PRR12: variants seen among roughly 807,000 people sequenced by gnomAD.
PRR12 encodes proline-rich protein 12.
A neutral mutation model predicts 138.0 loss-of-function variants in PRR12; 12 were observed. That is an observed-to-expected ratio of 0.09 (90% confidence interval 0.06 to 0.14). The LOEUF is 0.14. Among genes scored for constraint, PRR12 ranks in the 10% least tolerant of loss-of-function variants. The pLI, the probability that PRR12 is intolerant of heterozygous loss-of-function variation, is 1.00. For synonymous variants in PRR12, 1,567 were observed against 1,291.7 expected (o/e 1.21, Z -4.57); for missense variants, 2,692 against 2,861.3 (o/e 0.94, Z 1.35).
chr19:49,615,177 C>T (rs964485115), intron 8 of PRR12, among the ~76,000 whole-genome samples, 168 bp downstream of exon 8: 1 of 147,596 alleles, frequency 6.8e-6, no homozygotes. Flanking sequence ...GACAGAGACC[C>T]AGAGAAGGGG....
intron 6 of PRR12, among the ~76,000 whole-genome samples, chr19:49,609,855 T>G (rs2080856838): frequency 6.6e-6 from 1 of 152,302 alleles, no homozygotes; most frequent in Admixed American, 6.5e-5. Context: ...CTGTGCCGTT[T>G]AGAGCCCCTG....
At position 49,599,542 on chromosome 19, in the gene PRR12, G is replaced by A; in HGVS notation, c.3949G>A (p.Val1317Met). The A allele has an allele frequency of 6.3e-7, 1 of 1,595,868 alleles. No homozygotes were observed. Among genetic ancestry groups the A allele is most frequent in the African/African-American group, 1.3e-5 (1 of 74,666 alleles). The change falls in exon 5 of 14, where the codon GTG (valine) becomes ATG (methionine). Residue 1317 changes from valine to methionine, a missense_variant. Physicochemically the swap from Val to Met is conservative, Grantham distance 21 (BLOSUM62 1). Around this residue, in one of 11 missense-constraint regions of PRR12, gnomAD observed 326 missense variants for 344.2 expected, o/e 0.95. Transcript: ENST00000418929. The surrounding 1 kb of genome is among the most constrained non-coding windows in gnomAD (Gnocchi z 5.0). Reference sequence around the variant, plus strand: ...CCCTCCCAAGAGTGTGCCACCCTCTGTGCCAGCCCGAGGCCTGCAGCCCCA... The same window carrying A: ...CCCTCCCAAGAGTGTGCCACCCTCTATGCCAGCCCGAGGCCTGCAGCCCCA... Reference protein sequence around the residue: ...LSPPKSVPPSVPARGLQPQPP... With the variant: ...LSPPKSVPPSMPARGLQPQPP...
rs1232304755 is a variant in PRR12, at chr19:49,594,020, C to T, written c.200-434C>T. Among the ~76,000 whole-genome samples the T allele has an allele frequency of 6.6e-6, 1 of 152,036 alleles. No individual in the cohort carries two copies. The highest frequency in any genetic ancestry group is 1.5e-5 in the Non-Finnish European group (1 of 68,002). On this transcript the variant is annotated intron_variant, in intron 2 of 13. Coordinates refer to ENST00000418929, the MANE Select transcript of PRR12 (RefSeq NM_020719.3). This position sits in a 1 kb window ranked among gnomAD's most constrained non-coding sequence, Gnocchi z 5.6. ...CCCTCCCCATCTTTTTTTCTGAACC[C>T]TCCCACTTAGCTCAATCCTTTCTGA...
intron 6 of PRR12, among the ~76,000 whole-genome samples, chr19:49,609,520 G>C (rs1057076590): frequency 1.3e-5 from 2 of 150,416 alleles, no homozygotes; most frequent in African/African-American, 2.5e-5. Context: ...AGAATCACTT[G>C]AATTCAGGAG....
At position 49,607,309 on chromosome 19, in the gene PRR12, C is replaced by T. The variant is rs553502842; in HGVS notation, c.4773+5391C>T. 1.7e-3 allele frequency among the ~76,000 whole-genome samples: 257 copies of T among 152,174 alleles called. 1 individual carries two copies. The highest frequency in any genetic ancestry group is 5.6e-3 in the African/African-American group (231 of 41,520). On this transcript the variant is annotated intron_variant, in intron 6 of 13. Coordinates refer to ENST00000418929, the MANE Select transcript of PRR12 (RefSeq NM_020719.3). ...TCGAGGCTACAGTGAGCTATGATTG[C>T]ACCACTGCACTCCAGCCTGGGCAGC...
In PRR12 at chr19:49,624,867, G is replaced by C; in HGVS notation, c.5745G>C (p.Gln1915His). The stretch of plus-strand genomic sequence containing the variant: ...AGGATGCTCTGCACACGTTCCCACA[G>C]CTGCAAGTGGAGCAGAGTGGGGAGG... ...ALQDALHTFP[Q>H]LQVEQSGEGS... is the part of the protein sequence containing the mutation. The change falls in exon 12 of 14, where the codon CAG (glutamine) becomes CAC (histidine). Residue 1915 changes from glutamine to histidine, a missense_variant. Transcript: ENST00000418929. 6.2e-7 allele frequency: 1 copy of C among 1,611,672 alleles called. No individual in the cohort carries two copies. The highest frequency in any genetic ancestry group is 8.5e-7 in the Non-Finnish European group (1 of 1,179,222).
At chr19:49,611,503 T>C (rs2080865646) in intron 6 of PRR12, among the ~76,000 whole-genome samples, 1 of 151,692 alleles carries the variant, frequency 6.6e-6, no homozygotes, top group Non-Finnish European at 1.5e-5. Context: ...CTGGCCCTAG[T>C]GGCAGGTGCC....
chr19:49,625,895 A>C lies in PRR12; in HGVS notation c.*288A>C, dbSNP rs1568434053. The C allele has an allele frequency of 4.6e-6, 1 of 217,828 alleles. No individual in the cohort carries two copies. The highest frequency in any genetic ancestry group is 8.7e-6 in the Non-Finnish European group (1 of 115,000). 13.5% of individuals were successfully genotyped at this position (217,828 alleles called of 1,614,324 possible). ...ACGGTTTCCCTCTCCCCTTGCCCCGACCCCCCCTCCACAGCCACAGCCCCC... is the reference window on the plus strand; with the variant it reads ...ACGGTTTCCCTCTCCCCTTGCCCCGCCCCCCCCTCCACAGCCACAGCCCCC... On this transcript the variant is annotated 3_prime_UTR_variant, in exon 14 of 14. Coordinates refer to ENST00000418929, the MANE Select transcript of PRR12 (RefSeq NM_020719.3). This position sits in a 1 kb window ranked among gnomAD's most constrained non-coding sequence, Gnocchi z 5.5.
In PRR12 at chr19:49,625,942, A is replaced by C; in HGVS notation, c.*335A>C. The C allele has an allele frequency of 3.5e-5, 6 of 172,204 alleles. No homozygotes were observed. The highest frequency in any genetic ancestry group is 1.5e-4 in the East Asian group (1 of 6,500). 10.7% of individuals were successfully genotyped at this position (172,204 alleles called of 1,614,324 possible). ...CCCCGCCCCCTCCACCTTGTACATA[A>C]TGTATAGGAAAAGTCTATGTATGGC... On this transcript the variant is annotated 3_prime_UTR_variant, in exon 14 of 14. Coordinates refer to ENST00000418929, the MANE Select transcript of PRR12 (RefSeq NM_020719.3). This position sits in a 1 kb window ranked among gnomAD's most constrained non-coding sequence, Gnocchi z 5.5.
intron 6 of PRR12, among the ~76,000 whole-genome samples, chr19:49,608,660 C>T (rs1006441594): frequency 4.6e-5 from 7 of 151,952 alleles, no homozygotes; most frequent in African/African-American, 1.4e-4. Context: ...TGAGCCACCG[C>T]GCCCGGCCTC....
At chr19:49,620,984 T>TG (rs1360584359) in intron 10 of PRR12, among the ~76,000 whole-genome samples, 78 of 59,004 alleles carry the variant, frequency 1.3e-3, no homozygotes, top group South Asian at 4.6e-3. Flanking sequence ...GAGGAGGGAC[T>TG]GGGGCCTGGA....
rs773339530 is a variant in PRR12, at chr19:49,599,264, A to G, written c.3679-8A>G. On this transcript the variant is annotated splice_polypyrimidine_tract_variant and splice_region_variant and intron_variant, in intron 4 of 13. Transcript: ENST00000418929. The surrounding 1 kb of genome is among the most constrained non-coding windows in gnomAD (Gnocchi z 5.0). ...TGGGCCCTCACGGCCCGCCACTCCC[A>G]TGTCTAGATCAAGCTGTCTGTGCCC... 4.4e-6 allele frequency: 7 copies of G among 1,579,168 alleles called. No homozygotes were observed. Among genetic ancestry groups the G allele is most frequent in the Non-Finnish European group, 6.0e-6 (7 of 1,161,930 alleles).
chr19:49,591,447 C>G lies in PRR12; in HGVS notation c.-208C>G, dbSNP rs1483555973. Among the ~76,000 whole-genome samples the G allele has an allele frequency of 6.7e-6, 1 of 149,760 alleles. No individual in the cohort carries two copies. The highest frequency in any genetic ancestry group is 1.5e-5 in the Non-Finnish European group (1 of 66,762). ...TTCCTTGGCTCAGCGACTGCACCCC[C>G]TCCCTTGCCCGCCCCTCCGCCCCTG... On this transcript the variant is annotated 5_prime_UTR_variant, in exon 1 of 14. Coordinates refer to ENST00000418929, the MANE Select transcript of PRR12 (RefSeq NM_020719.3).
intron 6 of PRR12, among the ~76,000 whole-genome samples, chr19:49,609,087 G>C (rs1378975502): frequency 6.6e-6 from 1 of 152,172 alleles, no homozygotes; most frequent in African/African-American, 2.4e-5. Context: ...GCTGAGGTGG[G>C]TGAATCGCTT....
chr19:49,596,702 C>T lies in PRR12; in HGVS notation c.2367C>T (p.Asp789=), dbSNP rs369869295. 5.6e-4 allele frequency: 894 copies of T among 1,606,556 alleles called. 2 individuals are homozygous for T. The highest frequency in any genetic ancestry group is 5.0e-4 in the Non-Finnish European group (589 of 1,179,234). ...HGLLLEAGGP[D]LPLVLPPPPP... ...TCCTTCTGGAGGCCGGGGGCCCTGACCTCCCACTGGTGCTGCCTCCGCCTC... is the reference window on the plus strand; with the variant it reads ...TCCTTCTGGAGGCCGGGGGCCCTGATCTCCCACTGGTGCTGCCTCCGCCTC... Residue 789 remains aspartate (D), a synonymous_variant, in exon 4 of 14, where the codon GAC becomes GAT. Coordinates refer to ENST00000418929, the MANE Select transcript of PRR12 (RefSeq NM_020719.3). The surrounding 1 kb of genome is among the most constrained non-coding windows in gnomAD (Gnocchi z 5.6).
rs1281366696 is a variant in PRR12 at position 49,596,842 on chromosome 19, C to T, written c.2507C>T (p.Pro836Leu). ...ACCCGCGATGGGGCACCCCAGCCAC[C>T]TCCACCGCCACCCCCGCCTCCACCA... ...PATRDGAPQP[P>L]PPPPPPPPPM... Residue 836 changes from proline to leucine, a missense_variant, in exon 4 of 14, where the codon CCT becomes CTT. Physicochemically the swap from Pro to Leu is moderately conservative, Grantham distance 98. Transcript: ENST00000418929. This position sits in a 1 kb window ranked among gnomAD's most constrained non-coding sequence, Gnocchi z 5.6. The T allele has an allele frequency of 6.3e-7, 1 of 1,585,466 alleles. No individual in the cohort carries two copies. Among genetic ancestry groups the T allele is most frequent in the Non-Finnish European group, 8.5e-7 (1 of 1,171,446 alleles).
chr19:49,599,517 C>T lies in PRR12; in HGVS notation c.3924C>T (p.Ser1308=), dbSNP rs2122309397. The T allele has an allele frequency of 6.3e-7, 1 of 1,596,866 alleles. No homozygotes were observed. The highest frequency in any genetic ancestry group is 1.7e-4 in the Middle Eastern group (1 of 6,042). The change falls in exon 5 of 14, where the codon AGC becomes AGT. Residue 1308 remains serine (S), a synonymous_variant. Transcript: ENST00000418929. The surrounding 1 kb of genome is among the most constrained non-coding windows in gnomAD (Gnocchi z 5.0). ...AGGCGGGCCTGACGCCTCCGCTCAG[C>T]CCTCCCAAGAGTGTGCCACCCTCTG... ...LYQAGLTPPL[S]PPKSVPPSVP...
At chr19:49,624,757 A>G in intron 11 of PRR12, 87 bp from the exon 12 acceptor site, 1 of 1,533,710 alleles carries the variant, frequency 6.5e-7, no homozygotes. Context: ...CCTGGGGGAA[A>G]CTGAGGCACA....
chr19:49,624,312 T>G (rs4801805), intron 11 of PRR12, among the ~76,000 whole-genome samples: 77,897 of 82,652 alleles, frequency 0.94, 36,732 homozygotes, highest in East Asian at 0.96. Context: ...GTTAGGATGG[T>G]GCTGAGAATT....
Sources: allele counts gnomAD v4.1 joint callset (sites outside exome capture counted in the v4.1 genomes callset), GRCh38; gene constraint gnomAD v4.1.1; regional missense constraint gnomAD v4.1.1; non-coding constraint Gnocchi (gnomAD v3.1); transcripts MANE v1.5; gene names NCBI Gene and HGNC (gene_info 2026-07-23, HGNC 2026-07-21).